ZNF385B: variants seen among roughly 807,000 people sequenced by gnomAD.
ZNF385B encodes zinc finger protein 533.
In ZNF385B, 23 loss-of-function variants were observed where a neutral mutation model predicts 39.2. The ratio of observed to expected loss-of-function variants is 0.59; its 90% confidence interval spans 0.42 to 0.83. ZNF385B has a LOEUF of 0.83. Among genes scored for constraint, ZNF385B ranks in the 40% least tolerant of loss-of-function variants. ZNF385B has a pLI of 0.00. For synonymous variants in ZNF385B, 205 were observed against 222.6 expected (o/e 0.92, Z 0.70); for missense variants, 552 against 598.9 (o/e 0.92, Z 0.82).
At chr2:179,607,418 C>A (rs1558973537) in intron 3 of ZNF385B, among the ~76,000 whole-genome samples, 1 of 152,152 alleles carries the variant, frequency 6.6e-6, no homozygotes, top group Non-Finnish European at 1.5e-5. Flanking sequence ...GTCTCTCCTG[C>A]CAGCATGTAA....
At chr2:179,624,549 T>G (rs1250408073) in intron 3 of ZNF385B, among the ~76,000 whole-genome samples, 1 of 152,198 alleles carries the variant, frequency 6.6e-6, no homozygotes, top group Non-Finnish European at 1.5e-5. Flanking sequence ...ATAGTACTAC[T>G]AGAATCAGCA....
chr2:179,537,414 GTA>G, intron 4 of ZNF385B, among the ~76,000 whole-genome samples: 1 of 151,978 alleles, frequency 6.6e-6, no homozygotes, highest in South Asian at 2.1e-4. Context: ...CCCATCCATG[GTA>G]TATTTACATA....
At chr2:179,669,025 G>A (rs776349564) in intron 3 of ZNF385B, among the ~76,000 whole-genome samples, 4 of 152,156 alleles carry the variant, frequency 2.6e-5, no homozygotes, top group Non-Finnish European at 5.9e-5. Context: ...ATGTTACAAA[G>A]CATAGAGACA....
intron 1 of ZNF385B, among the ~76,000 whole-genome samples, chr2:179,856,193 A>T (rs1159579545): frequency 6.6e-6 from 1 of 152,194 alleles, no homozygotes; most frequent in Non-Finnish European, 1.5e-5. Context: ...TCATTTTCTT[A>T]AGAAATAAGA....
At chr2:179,748,940 A>G (rs1702525152) in intron 3 of ZNF385B, among the ~76,000 whole-genome samples, 1 of 152,080 alleles carries the variant, frequency 6.6e-6, no homozygotes, top group African/African-American at 2.4e-5. Context: ...GGGTCTTTCT[A>G]TTCACTGAAC....
intron 3 of ZNF385B, among the ~76,000 whole-genome samples, chr2:179,659,244 C>A (rs1694176705): frequency 2.0e-5 from 3 of 152,110 alleles, no homozygotes; most frequent in Admixed American, 2.0e-4. Context: ...TGGAAAATTC[C>A]TCAACTCAAT....
At chr2:179,501,391 T>C (rs1359654427) in intron 5 of ZNF385B, among the ~76,000 whole-genome samples, 1 of 152,154 alleles carries the variant, frequency 6.6e-6, no homozygotes, top group Non-Finnish European at 1.5e-5. Context: ...GTATACAGAA[T>C]GGAGTACTAT....
At chr2:179,488,432 C>T (rs986233089) in intron 5 of ZNF385B, among the ~76,000 whole-genome samples, 1 of 152,226 alleles carries the variant, frequency 6.6e-6, no homozygotes, top group African/African-American at 2.4e-5. Flanking sequence ...GCGAGAGCCA[C>T]TGCGCACGGC....
intron 5 of ZNF385B, among the ~76,000 whole-genome samples, chr2:179,488,438 A>T (rs749556003): frequency 6.6e-6 from 1 of 152,140 alleles, no homozygotes; most frequent in East Asian, 1.9e-4. Context: ...GCCACTGCGC[A>T]CGGCCTGATT....
chr2:179,633,137 G>A (rs950187900), intron 3 of ZNF385B, among the ~76,000 whole-genome samples: 1 of 152,090 alleles, frequency 6.6e-6, no homozygotes, highest in African/African-American at 2.4e-5. Flanking sequence ...AAGAGGAGCT[G>A]GTACCATTCC....
chr2:179,627,523 G>C (rs35046215), intron 3 of ZNF385B, among the ~76,000 whole-genome samples: 39,590 of 152,130 alleles, frequency 0.26, 5,372 homozygotes, highest in Admixed American at 0.32. Context: ...TCTTACCCAA[G>C]ATCCATAATG....
intron 1 of ZNF385B, among the ~76,000 whole-genome samples, chr2:179,825,263 A>G (rs1269770498): frequency 6.6e-6 from 1 of 152,110 alleles, no homozygotes; most frequent in African/African-American, 2.4e-5. Context: ...GATGAATCCT[A>G]ATCCCCCATT....
At chr2:179,693,167 C>G (rs10199992) in intron 3 of ZNF385B, among the ~76,000 whole-genome samples, 22 of 152,010 alleles carry the variant, frequency 1.4e-4, no homozygotes, top group African/African-American at 5.3e-4. Flanking sequence ...ATTTATTAGC[C>G]TATCCCAGGA....
chr2:179,590,148 G>A (rs1289463942), intron 3 of ZNF385B, among the ~76,000 whole-genome samples: 1 of 152,160 alleles, frequency 6.6e-6, no homozygotes, highest in African/African-American at 2.4e-5. Flanking sequence ...ACCTCAGTGG[G>A]TTGTGCTCAT....
At chr2:179,645,004 T>C (rs1016432186) in intron 3 of ZNF385B, among the ~76,000 whole-genome samples, 4 of 152,344 alleles carry the variant, frequency 2.6e-5, no homozygotes, top group South Asian at 2.1e-4. Context: ...TTATTATTTA[T>C]TGGCAAGAGA....
intron 3 of ZNF385B, among the ~76,000 whole-genome samples, chr2:179,660,770 T>A (rs183811778): frequency 2.1e-3 from 324 of 152,186 alleles, no homozygotes; most frequent in Non-Finnish European, 3.9e-3. Context: ...TAACAATTTT[T>A]AAAAAAGAAA....
chr2:179,579,289 T>C (rs1027555196), intron 3 of ZNF385B, among the ~76,000 whole-genome samples: 6 of 152,134 alleles, frequency 3.9e-5, no homozygotes, highest in African/African-American at 1.4e-4. Context: ...TAATCATAAT[T>C]ATTAGCATAT....
At position 179,527,456 on chromosome 2, in the gene ZNF385B, G is replaced by GA. The variant is rs200806165; in HGVS notation, c.442-8819dup. ...TGACAGAAAGGATGACTAAAGTCAA[G>GA]AAAAAAAAAATCCTGTGATGTATCT... On this transcript the variant is annotated intron_variant, in intron 4 of 9. Coordinates refer to ENST00000410066, the MANE Select transcript of ZNF385B (RefSeq NM_152520.6). Among the ~76,000 whole-genome samples, 496 of 145,222 alleles carry GA rather than the reference G, an allele frequency of 3.4e-3. 4 individuals carry two copies. The highest frequency in any genetic ancestry group is 0.016 in the East Asian group (83 of 5,036).
At chr2:179,744,440 T>G (rs1702261039) in intron 3 of ZNF385B, among the ~76,000 whole-genome samples, 1 of 151,976 alleles carries the variant, frequency 6.6e-6, no homozygotes, top group African/African-American at 2.4e-5. Context: ...CGAGAAACCA[T>G]GTGCTCAGTA....
Sources: gnomAD v4.1 joint callset for allele counts (sites outside exome capture counted in the v4.1 genomes callset) on GRCh38, gnomAD v4.1.1 for gene constraint, MANE v1.5 for transcripts, NCBI Gene and HGNC (gene_info 2026-07-23, HGNC 2026-07-21) for gene names.